RBFOX1: variants seen among roughly 807,000 people sequenced by gnomAD.
The protein encoded by RBFOX1 is RNA binding protein fox-1 homolog 1.
A neutral mutation model predicts 57.7 loss-of-function variants in RBFOX1; 8 were observed. That is an observed-to-expected ratio of 0.14 (90% CI 0.08 to 0.25). The LOEUF is 0.25. Among genes scored for constraint, RBFOX1 ranks in the 10% least tolerant of loss-of-function variants. The pLI, the probability that RBFOX1 is intolerant of heterozygous loss-of-function variation, is 1.00. For synonymous variants in RBFOX1, 326 were observed against 222.4 expected (o/e 1.47, Z -4.15); for missense variants, 611 against 548.5 (o/e 1.11, Z -1.14).
intron 2 of RBFOX1, among the ~76,000 whole-genome samples, chr16:6,467,970 C>T (rs1194994990): frequency 6.6e-6 from 1 of 152,136 alleles, no homozygotes; most frequent in Non-Finnish European, 1.5e-5. Flanking sequence ...TTTAATGTTT[C>T]TAATGGTCAT....
chr16:5,607,269 G>C (rs1424329378), intron 3 of RBFOX1, among the ~76,000 whole-genome samples: 1 of 152,240 alleles, frequency 6.6e-6, no homozygotes, highest in African/African-American at 2.4e-5. Flanking sequence ...ACTCGGGGCA[G>C]TGAGACATGG....
At chr16:7,118,037 T>C (rs1429439251) in intron 4 of RBFOX1, among the ~76,000 whole-genome samples, 1 of 152,226 alleles carries the variant, frequency 6.6e-6, no homozygotes, top group Non-Finnish European at 1.5e-5. Context: ...GCATTAAGCA[T>C]GCACATGCAG....
intron 3 of RBFOX1, among the ~76,000 whole-genome samples, chr16:6,955,200 C>T (rs190351822): frequency 2.4e-4 from 36 of 152,076 alleles, no homozygotes; most frequent in African/African-American, 7.7e-4. Flanking sequence ...GAGATGGCAC[C>T]ACTGTACTCC....
intron 4 of RBFOX1, among the ~76,000 whole-genome samples, chr16:7,217,039 C>CCCTT (rs2092204411): frequency 8.8e-6 from 1 of 113,308 alleles, no homozygotes; most frequent in Non-Finnish European, 1.8e-5. Context: ...CTCCCTCCCT[C>CCCTT]CCTCCCTCCC....
At position 6,418,759 on chromosome 16, in the gene RBFOX1, C is replaced by T. The variant is rs117683372; in HGVS notation, c.-64+101702C>T. Among the ~76,000 whole-genome samples, 1,314 of 152,154 alleles carry T rather than the reference C, an allele frequency of 8.6e-3. 9 individuals carry two copies. The highest frequency in any genetic ancestry group is 0.014 in the Non-Finnish European group (976 of 67,998). ...CCCAGGCTGGTCTTGAACTCCTGGT[C>T]CTTAATCAGTCCCCCTGCCTTGGCC... On this transcript the variant is annotated intron_variant, in intron 2 of 15. Coordinates refer to ENST00000550418, the MANE Select transcript of RBFOX1 (RefSeq NM_018723.4).
At chr16:6,444,895 G>T (rs529706633) in intron 2 of RBFOX1, among the ~76,000 whole-genome samples, 1 of 152,262 alleles carries the variant, frequency 6.6e-6, no homozygotes, top group East Asian at 1.9e-4. Flanking sequence ...CAGAAAAATG[G>T]AACGGCCAGG....
chr16:6,700,625 T>C lies in RBFOX1; in HGVS notation c.-16+45975T>C, dbSNP rs558649790. On this transcript the variant is annotated intron_variant, in intron 3 of 15. Coordinates refer to ENST00000550418, the MANE Select transcript of RBFOX1 (RefSeq NM_018723.4). ...GTGAGCTGAGATCGCACCACTGCACTCCAGCCTGGGCAACAAAAACGAAAC... is the reference window on the plus strand; with the variant it reads ...GTGAGCTGAGATCGCACCACTGCACCCCAGCCTGGGCAACAAAAACGAAAC... 1.2e-3 allele frequency among the ~76,000 whole-genome samples: 187 copies of C among 152,172 alleles called. 1 individual carries two copies. Among genetic ancestry groups the C allele is most frequent in the African/African-American group, 4.1e-3 (172 of 41,516 alleles).
At chr16:6,132,762 G>T (rs1347467288) in intron 1 of RBFOX1, among the ~76,000 whole-genome samples, 1 of 152,042 alleles carries the variant, frequency 6.6e-6, no homozygotes, top group Non-Finnish European at 1.5e-5. Context: ...GCTGAGGCAG[G>T]CGGATCAGTA....
At chr16:6,669,129 C>G (rs1193921980) in intron 3 of RBFOX1, among the ~76,000 whole-genome samples, 1 of 152,140 alleles carries the variant, frequency 6.6e-6, no homozygotes, top group African/African-American at 2.4e-5. Context: ...CTGAAATTTT[C>G]TTCGTGTTGA....
At chr16:5,771,059 C>A (rs1296872190) in intron 3 of RBFOX1, among the ~76,000 whole-genome samples, 3 of 152,160 alleles carry the variant, frequency 2.0e-5, no homozygotes, top group African/African-American at 7.2e-5. Context: ...CCTGAGGCTG[C>A]CTCCCAGATC....
At chr16:6,315,784 C>T (rs984082299) in intron 1 of RBFOX1, among the ~76,000 whole-genome samples, 1 of 152,140 alleles carries the variant, frequency 6.6e-6, no homozygotes, top group African/African-American at 2.4e-5. Context: ...CTGCAGGTCA[C>T]CCCTCTTTCC....
intron 4 of RBFOX1, among the ~76,000 whole-genome samples, chr16:7,413,704 A>G (rs1457684187): frequency 4.6e-5 from 7 of 152,164 alleles, no homozygotes; most frequent in African/African-American, 1.7e-4. Flanking sequence ...GCATTCAGAA[A>G]TGGATAGGAT....
intron 4 of RBFOX1, among the ~76,000 whole-genome samples, chr16:7,147,016 G>T (rs1407511303): frequency 1.6e-5 from 2 of 128,614 alleles, no homozygotes; most frequent in African/African-American, 6.1e-5. Context: ...GTCTCCCTCT[G>T]TTGCCCAGGC....
intron 4 of RBFOX1, among the ~76,000 whole-genome samples, chr16:7,359,852 C>T (rs908787749): frequency 1.3e-5 from 2 of 152,092 alleles, no homozygotes; most frequent in African/African-American, 4.8e-5. Context: ...GGCATGGAGG[C>T]ATGCACCTGT....
chr16:6,160,875 A>G (rs1212145465), intron 1 of RBFOX1, among the ~76,000 whole-genome samples: 2 of 152,140 alleles, frequency 1.3e-5, no homozygotes, highest in Non-Finnish European at 2.9e-5. Context: ...TTCCTCAGAC[A>G]GCCTTTTCTG....
intron 3 of RBFOX1, among the ~76,000 whole-genome samples, chr16:6,729,342 A>AG (rs1325409020): frequency 6.6e-6 from 1 of 152,184 alleles, no homozygotes; most frequent in African/African-American, 2.4e-5. Flanking sequence ...GTGAGAATCA[A>AG]GGTAAATCTA....
chr16:5,803,430 G>A (rs971143626), intron 3 of RBFOX1, among the ~76,000 whole-genome samples: 7 of 152,136 alleles, frequency 4.6e-5, no homozygotes, highest in African/African-American at 1.7e-4. Flanking sequence ...ACCAGATCCG[G>A]GATCTTTAGC....
intron 1 of RBFOX1, among the ~76,000 whole-genome samples, chr16:5,268,168 C>T (rs540413917): frequency 1.3e-5 from 2 of 152,202 alleles, no homozygotes; most frequent in South Asian, 2.1e-4. Context: ...GCTGGGCAAG[C>T]ACCTTGATCG....
intron 4 of RBFOX1, among the ~76,000 whole-genome samples, chr16:7,391,433 C>T (rs1321966922): frequency 6.6e-6 from 1 of 152,196 alleles, no homozygotes; most frequent in African/African-American, 2.4e-5. Flanking sequence ...ACCGCAAGAG[C>T]TCTGCTATGA....
Sources: gnomAD v4.1 joint callset for allele counts (sites outside exome capture counted in the v4.1 genomes callset) on GRCh38, gnomAD v4.1.1 for gene constraint, MANE v1.5 for transcripts, NCBI Gene and HGNC (gene_info 2026-07-23, HGNC 2026-07-21) for gene names.